The following CNOT8 variants were observed in gnomAD, a reference collection of about 807,000 sequenced individuals.
The protein encoded by CNOT8 is CAF1-like protein.
A neutral mutation model predicts 34.6 loss-of-function variants in CNOT8; 18 were observed. That is an observed-to-expected ratio of 0.52 (90% confidence interval 0.36 to 0.77). CNOT8 has a LOEUF of 0.77. CNOT8 is among the 30% of genes least tolerant of loss of function. CNOT8 has a pLI of 0.00. For missense variants in CNOT8, 189 were observed against 347.9 expected (o/e 0.54, Z 3.63); for synonymous variants, 101 against 118.8 (o/e 0.85, Z 0.98).
Position 154,870,654 on chromosome 5 carries a change from T to C in CNOT8, c.312-7T>C. The C allele has an allele frequency of 6.2e-7, 1 of 1,608,782 alleles. No individual in the cohort carries two copies. The highest frequency in any genetic ancestry group is 1.1e-5 in the South Asian group (1 of 90,126). On this transcript the variant is annotated splice_region_variant and splice_polypyrimidine_tract_variant and intron_variant, in intron 3 of 6. Transcript: ENST00000285896. The stretch of plus-strand genomic sequence containing the variant: ...ACCAGTTAATAAATAAACACCTTGT[T>C]TTTTAGAGAGGACATGTACTCCCAG...
intron 1 of CNOT8, among the ~76,000 whole-genome samples, chr5:154,861,312 TCTA>T (rs1761314972): frequency 6.6e-6 from 1 of 152,264 alleles, no homozygotes; most frequent in South Asian, 2.1e-4. Flanking sequence ...TTAAGAAGTT[TCTA>T]CTATGTTTTT....
chr5:154,870,901 C>A, intron 4 of CNOT8, 79 bp downstream of exon 4: 1 of 1,282,850 alleles, frequency 7.8e-7, no homozygotes, highest in Non-Finnish European at 1.1e-6. Flanking sequence ...GTCATTTTTG[C>A]AGTCCTAGTG....
chr5:154,872,920 C>T (rs1248611222), intron 6 of CNOT8, among the ~76,000 whole-genome samples: 2 of 152,164 alleles, frequency 1.3e-5, no homozygotes, highest in Non-Finnish European at 2.9e-5. Flanking sequence ...AGGTGCCCGC[C>T]ACCATGCCCT....
intron 5 of CNOT8, 74 bp downstream of exon 5, chr5:154,871,948 G>A (rs1039197730): frequency 1.3e-5 from 17 of 1,335,956 alleles, no homozygotes; most frequent in East Asian, 4.7e-5. Flanking sequence ...TTATTGTTAC[G>A]TGTTCAGCAT....
At chr5:154,862,760 G>A (rs183132356) in intron 1 of CNOT8, among the ~76,000 whole-genome samples, 4 of 152,258 alleles carry the variant, frequency 2.6e-5, no homozygotes, top group Non-Finnish European at 5.9e-5. Context: ...TGAGAGTTTA[G>A]GTCCACATTC....
chr5:154,862,347 A>G (rs770245825), intron 1 of CNOT8, among the ~76,000 whole-genome samples: 8 of 152,058 alleles, frequency 5.3e-5, no homozygotes, highest in Non-Finnish European at 8.8e-5. Flanking sequence ...GCGTGCACCT[A>G]TAGTCCCAGC....
chr5:154,872,712 G>T, intron 6 of CNOT8, 61 bp downstream of exon 6: 1 of 886,764 alleles, frequency 1.1e-6, no homozygotes, highest in South Asian at 1.6e-5. Flanking sequence ...GGCTAAGGAG[G>T]TAGTGGATGG....
chr5:154,870,802 C>A lies in CNOT8; in HGVS notation c.453C>A (p.Val151=), dbSNP rs778782009. 2 of 1,613,624 alleles carry A rather than the reference C, an allele frequency of 1.2e-6. No individual in the cohort carries two copies. The highest frequency in any genetic ancestry group is 1.1e-5 in the South Asian group (1 of 90,926). The change falls in exon 4 of 7, where the codon GTC becomes GTA. Residue 151 remains valine (V), a synonymous_variant. Coordinates refer to ENST00000285896, the MANE Select transcript of CNOT8 (RefSeq NM_001301073.2). ...MTSGVVLCDN[V]KWLSFHSGYD... ...CAGGAGTGGTTCTCTGTGACAATGT[C>A]AAATGGCTTTCATTTCATAGGTCAG... is the stretch of plus-strand genomic sequence containing the variant.
chr5:154,873,998 C>T (rs1762718395), intron 6 of CNOT8, among the ~76,000 whole-genome samples: 1 of 152,154 alleles, frequency 6.6e-6, no homozygotes, highest in African/African-American at 2.4e-5. Context: ...GCGTTAAGTG[C>T]TTACTGTTCG....
At chr5:154,869,983 C>G (rs1194551770) in intron 3 of CNOT8, among the ~76,000 whole-genome samples, 1 of 152,164 alleles carries the variant, frequency 6.6e-6, no homozygotes, top group Non-Finnish European at 1.5e-5. Flanking sequence ...GGTTTGAACT[C>G]TGGGCCTCAA....
intron 3 of CNOT8, among the ~76,000 whole-genome samples, chr5:154,868,634 C>T (rs1008341222): frequency 3.9e-5 from 6 of 152,174 alleles, no homozygotes; most frequent in African/African-American, 7.2e-5. Context: ...GCATCTAAAA[C>T]GCCAGTTCAT....
intron 4 of CNOT8, 118 bp from the exon 5 acceptor site, chr5:154,871,612 G>T: frequency 3.1e-6 from 2 of 640,678 alleles, no homozygotes; most frequent in Admixed American, 2.9e-5. Flanking sequence ...AAACTACTCA[G>T]AAAAAGTGAA....
intron 6 of CNOT8, among the ~76,000 whole-genome samples, chr5:154,874,188 C>T (rs1435744966): frequency 3.3e-5 from 5 of 152,044 alleles, no homozygotes; most frequent in African/African-American, 9.7e-5. Context: ...AGCAGCAGCA[C>T]AGAGATACTG....
chr5:154,862,016 C>T (rs1418750946), intron 1 of CNOT8, among the ~76,000 whole-genome samples: 1 of 152,104 alleles, frequency 6.6e-6, no homozygotes, highest in African/African-American at 2.4e-5. Context: ...TTTTTATAAC[C>T]AGGCCTTGTA....
Position 154,863,452 on chromosome 5 carries a change from TC to T in CNOT8, c.117+58del. ...GTCACTTTTAAAGTTGGGGTCTTGC[TC>T]TGTTGCCCAGGCTGGAGTGCGGTGG... On this transcript the variant is annotated intron_variant, in intron 2 of 6. Transcript: ENST00000285896. 2.3e-6 allele frequency: 3 copies of T among 1,296,368 alleles called. No individual in the cohort carries two copies. In the South Asian group the frequency reaches 3.5e-5, roughly 15 times the overall value. The allele number at this position is 1,296,368 out of a possible 1,614,324, so 80.3% of individuals were successfully genotyped here.
intron 3 of CNOT8, among the ~76,000 whole-genome samples, chr5:154,867,508 A>G (rs890157118): frequency 3.9e-5 from 6 of 152,244 alleles, no homozygotes; most frequent in African/African-American, 1.4e-4. Context: ...CAATTACACT[A>G]GTATTCATTG....
intron 3 of CNOT8, chr5:154,867,748 G>A (rs1252774061): frequency 3.8e-6 from 1 of 262,848 alleles, no homozygotes; most frequent in Non-Finnish European, 7.8e-6. Context: ...AAAAGACATA[G>A]GAGAACAGAC....
At chr5:154,871,002 G>C (rs1762437747) in intron 4 of CNOT8, among the ~76,000 whole-genome samples, 180 bp downstream of exon 4, 1 of 152,050 alleles carries the variant, frequency 6.6e-6, no homozygotes, top group African/African-American at 2.4e-5. Flanking sequence ...CTCATATACT[G>C]GTTTGTTTCA....
chr5:154,860,965 A>G (rs1158916979), intron 1 of CNOT8, among the ~76,000 whole-genome samples: 5 of 152,202 alleles, frequency 3.3e-5, no homozygotes, highest in Admixed American at 3.3e-4. Flanking sequence ...ACATCTCTCA[A>G]AAACTCAGGA....
Sources: allele counts gnomAD v4.1 joint callset (sites outside exome capture counted in the v4.1 genomes callset), GRCh38; gene constraint gnomAD v4.1.1; transcripts MANE v1.5; gene names NCBI Gene and HGNC (gene_info 2026-07-23, HGNC 2026-07-21).